The following NEDD4L variants were observed in gnomAD, a reference collection of about 807,000 sequenced individuals.
NEDD4L encodes E3 ubiquitin-protein ligase NEDD4-like.
Under a neutral mutation model 148.9 loss-of-function variants are expected in NEDD4L, and 54 were observed. The observed-to-expected ratio is 0.36, with a 90% confidence interval of 0.29 to 0.45. The LOEUF (loss-of-function observed/expected upper bound fraction) is 0.45. Among genes scored for constraint, NEDD4L ranks in the 20% least tolerant of loss-of-function variants. The probability of loss-of-function intolerance (pLI) is 1.00; values close to 1 mark genes in which losing one functional copy is unlikely to be tolerated. For missense variants in NEDD4L, 856 were observed against 1,233.8 expected (o/e 0.69, Z 4.59); for synonymous variants, 433 against 440.7 (o/e 0.98, Z 0.22).
At chr18:58,362,517 C>T (rs1330722442) in intron 19 of NEDD4L, among the ~76,000 whole-genome samples, 1 of 152,140 alleles carries the variant, frequency 6.6e-6, no homozygotes, top group Admixed American at 6.5e-5. Context: ...GGCCTTCTAA[C>T]GCTGGCAGGA....
At chr18:58,269,642 A>G (rs2050739116) in intron 5 of NEDD4L, among the ~76,000 whole-genome samples, 1 of 152,098 alleles carries the variant, frequency 6.6e-6, no homozygotes, top group Admixed American at 6.5e-5. Context: ...CATAGTACCC[A>G]GGTGGTACTT....
intron 2 of NEDD4L, among the ~76,000 whole-genome samples, chr18:58,168,609 A>G (rs545548311): frequency 3.3e-4 from 50 of 152,278 alleles, no homozygotes; most frequent in African/African-American, 1.2e-3. Flanking sequence ...GCCCTGGGCC[A>G]CTGACATGCC....
At chr18:58,261,235 A>G (rs930997449) in intron 5 of NEDD4L, among the ~76,000 whole-genome samples, 1 of 152,230 alleles carries the variant, frequency 6.6e-6, no homozygotes, top group Non-Finnish European at 1.5e-5. Flanking sequence ...TGAACTATGC[A>G]TTATAGAAAA....
intron 5 of NEDD4L, among the ~76,000 whole-genome samples, chr18:58,258,563 C>G (rs1030310089): frequency 6.6e-6 from 1 of 152,116 alleles, no homozygotes; most frequent in African/African-American, 2.4e-5. Context: ...AAGGGCTATT[C>G]TAACTTGCAA....
chr18:58,262,977 GACAA>G (rs2049656788), intron 5 of NEDD4L, among the ~76,000 whole-genome samples: 1 of 152,162 alleles, frequency 6.6e-6, no homozygotes, highest in South Asian at 2.1e-4. Context: ...TTTATGCCCT[GACAA>G]TTTTAGAACT....
intron 24 of NEDD4L, among the ~76,000 whole-genome samples, chr18:58,380,787 T>C (rs1310373671): frequency 6.6e-6 from 1 of 152,130 alleles, no homozygotes. Context: ...TGAGTTCTCA[T>C]CGTTTAACTC....
chr18:58,181,574 T>C (rs2038871011), intron 2 of NEDD4L, among the ~76,000 whole-genome samples: 1 of 152,092 alleles, frequency 6.6e-6, no homozygotes, highest in South Asian at 2.1e-4. Flanking sequence ...TAGACCATGG[T>C]GCATGCAACC....
chr18:58,349,506 G>A (rs1310276640), intron 16 of NEDD4L, 31 bp from the exon 17 acceptor site: 6 of 1,575,982 alleles, frequency 3.8e-6, no homozygotes, highest in South Asian at 1.1e-5. Context: ...CTTCCACTTA[G>A]CATCTACTGT....
chr18:58,252,122 T>TAAGGAACAGAAAGAA, intron 5 of NEDD4L, 68 bp downstream of exon 5: 1 of 1,001,154 alleles, frequency 1.0e-6, no homozygotes, highest in South Asian at 1.3e-5. Context: ...AGCAGCGTCT[T>TAAGGAACAGAAAGAA]TAAAACTCTG....
intron 5 of NEDD4L, among the ~76,000 whole-genome samples, chr18:58,257,058 T>A (rs959178306): frequency 5.9e-5 from 9 of 152,270 alleles, no homozygotes; most frequent in African/African-American, 1.9e-4. Context: ...TTTTTCTGAA[T>A]AGAAGAATTT....
intron 1 of NEDD4L, among the ~76,000 whole-genome samples, chr18:58,093,727 AGAG>A (rs1299604279): frequency 7.9e-5 from 12 of 152,242 alleles, no homozygotes; most frequent in Admixed American, 1.3e-4. Context: ...AATTTACGCC[AGAG>A]GAGGAGAATT....
At position 58,366,033 on chromosome 18, in the gene NEDD4L, AC is replaced by A; in HGVS notation, c.1869del (p.His623GlnfsTer16). 6.2e-7 allele frequency: 1 copy of A among 1,612,304 alleles called. No individual in the cohort carries two copies. On this transcript the variant is annotated frameshift_variant, in exon 21 of 31. Coordinates refer to ENST00000400345, the MANE Select transcript of NEDD4L (RefSeq NM_001144967.3). LOFTEE classifies it high-confidence loss of function. The surrounding 1 kb of genome is among the most constrained non-coding windows in gnomAD (Gnocchi z 4.2). ...CCCAATAGGTTTGAAATGAAACTTC[AC>A]AGAAATAACATATTTGAAGAGTCCT... ...DIPNRFEMKL[H>X]RNNIFEESYR... is the part of the protein sequence containing the mutation.
At chr18:58,312,467 G>A (rs1330987849) in intron 5 of NEDD4L, among the ~76,000 whole-genome samples, 1 of 152,178 alleles carries the variant, frequency 6.6e-6, no homozygotes, top group Admixed American at 6.5e-5. Context: ...CACTGTGGTG[G>A]TGATGACCTA....
intron 20 of NEDD4L, among the ~76,000 whole-genome samples, chr18:58,364,648 C>G (rs1601729239): frequency 6.6e-6 from 1 of 152,030 alleles, no homozygotes; most frequent in Non-Finnish European, 1.5e-5. Context: ...TCTGTGGAAG[C>G]CTATTCAATT....
At chr18:58,187,403 G>A (rs1164259423) in intron 2 of NEDD4L, among the ~76,000 whole-genome samples, 1 of 152,146 alleles carries the variant, frequency 6.6e-6, no homozygotes, top group Non-Finnish European at 1.5e-5. Flanking sequence ...AATCAGCAGA[G>A]GGCAGGGACC....
chr18:58,365,697 C>T (rs2046031123), intron 20 of NEDD4L, among the ~76,000 whole-genome samples: 5 of 152,314 alleles, frequency 3.3e-5, no homozygotes, highest in Middle Eastern at 3.4e-3. Flanking sequence ...CTTTCGGTTG[C>T]CCTATGCTGG....
chr18:58,072,326 T>C (rs1054045747), intron 1 of NEDD4L, among the ~76,000 whole-genome samples: 4 of 152,164 alleles, frequency 2.6e-5, no homozygotes, highest in African/African-American at 9.7e-5. Flanking sequence ...AGTGCAATGC[T>C]AGCTTTCCTC....
At position 58,168,794 on chromosome 18, in the gene NEDD4L, G is replaced by A. The variant is rs569903879; in HGVS notation, c.122+2933G>A. On this transcript the variant is annotated intron_variant, in intron 2 of 30. Transcript: ENST00000400345. ...GAGGCATTTCAGAGCCTTTAAAGTG[G>A]TAGAAATCCTGTAGACAATGATGTT... is the stretch of plus-strand genomic sequence containing the variant. 2.0e-5 allele frequency among the ~76,000 whole-genome samples: 3 copies of A among 152,314 alleles called. No homozygotes were observed. The South Asian group carries it at 6.2e-4, about 32-fold the overall frequency.
intron 1 of NEDD4L, among the ~76,000 whole-genome samples, chr18:58,088,984 A>G (rs1208125850): frequency 6.6e-6 from 1 of 152,122 alleles, no homozygotes; most frequent in Non-Finnish European, 1.5e-5. Flanking sequence ...GGACAGATAG[A>G]TAAGGTCCCC....
Sources: allele counts gnomAD v4.1 joint callset (sites outside exome capture counted in the v4.1 genomes callset), GRCh38; gene constraint gnomAD v4.1.1; non-coding constraint Gnocchi (gnomAD v3.1); transcripts MANE v1.5; gene names NCBI Gene and HGNC (gene_info 2026-07-23, HGNC 2026-07-21).